The following WDR82 variants were observed in gnomAD, a reference collection of about 807,000 sequenced individuals.
WDR82 encodes the protein WD repeat domain 82, also known as WD repeat-containing protein 82.
In WDR82, 8 loss-of-function variants were observed where a neutral mutation model predicts 36.1. The ratio of observed to expected loss-of-function variants is 0.22; its 90% confidence interval spans 0.13 to 0.40. WDR82 has a LOEUF of 0.40. WDR82 is among the 10% of genes least tolerant of loss of function. The probability of loss-of-function intolerance (pLI) is 1.00; values close to 1 mark genes in which losing one functional copy is unlikely to be tolerated. For missense variants in WDR82, 185 were observed against 400.5 expected (o/e 0.46, Z 4.59); for synonymous variants, 129 against 137.8 (o/e 0.94, Z 0.45).
Position 52,261,802 on chromosome 3 carries a change from G to T in WDR82, c.327-323C>A, listed in dbSNP as rs575472180. Among the ~76,000 whole-genome samples the T allele has an allele frequency of 1.3e-5, 2 of 152,250 alleles. 1 individual carries two copies. The highest frequency in any genetic ancestry group is 4.1e-4 in the South Asian group (2 of 4,824). ...TGTTGGTGAGGATGCAGAGAAATTG[G>T]AACCCTCATACATTGCTAATGGAAA... On this transcript the variant is annotated intron_variant, in intron 3 of 8. Coordinates refer to ENST00000296490, the MANE Select transcript of WDR82 (RefSeq NM_025222.4).
intron 1 of WDR82, among the ~76,000 whole-genome samples, chr3:52,277,089 TAATA>T (rs1336538317): frequency 4.1e-5 from 6 of 146,014 alleles, no homozygotes; most frequent in African/African-American, 1.5e-4. Context: ...ATAATAATAA[TAATA>T]ATAATAATAT....
intron 1 of WDR82, among the ~76,000 whole-genome samples, chr3:52,276,062 T>G (rs1018943596): frequency 5.3e-5 from 8 of 152,188 alleles, no homozygotes; most frequent in African/African-American, 1.9e-4. Flanking sequence ...ACTGTAACTT[T>G]GTTAGTTTCT....
At chr3:52,270,430 T>C (rs1700143502) in intron 2 of WDR82, among the ~76,000 whole-genome samples, 1 of 151,868 alleles carries the variant, frequency 6.6e-6, no homozygotes, top group Non-Finnish European at 1.5e-5. Flanking sequence ...AAAAGCGTTC[T>C]TTTAAGTGTC....
intron 1 of WDR82, among the ~76,000 whole-genome samples, chr3:52,272,336 G>A (rs965383134): frequency 1.3e-5 from 2 of 152,166 alleles, no homozygotes; most frequent in Middle Eastern, 3.4e-3. Context: ...CTGAGGTCAG[G>A]AGTTTGAGAC....
chr3:52,271,327 G>C (rs182845935), intron 1 of WDR82, among the ~76,000 whole-genome samples: 393 of 152,288 alleles, frequency 2.6e-3, no homozygotes, highest in Middle Eastern at 0.014. Flanking sequence ...CAGGTTTGTA[G>C]CCTAGGAGCA....
In WDR82 at chr3:52,278,323, G is replaced by A. The variant is rs940133876; in HGVS notation, c.39C>T (p.Val13=). The change falls in exon 1 of 9, where the codon GTC becomes GTT. Residue 13 remains valine, a synonymous_variant. Coordinates refer to ENST00000296490, the MANE Select transcript of WDR82 (RefSeq NM_025222.4). The part of the protein sequence containing the change: ...LTDSVLRSFR[V]AKVFRENSDK... ...CCGAGTTTTCGCGGAACACCTTAGCGACGCGGAAGCTCCGCAACACGCTGT... is the reference window on the plus strand; with the variant it reads ...CCGAGTTTTCGCGGAACACCTTAGCAACGCGGAAGCTCCGCAACACGCTGT... The A allele has an allele frequency of 8.1e-6, 13 of 1,600,890 alleles. No homozygotes were observed. The highest frequency in any genetic ancestry group is 1.1e-5 in the Non-Finnish European group (13 of 1,175,366).
chr3:52,260,551 T>C (rs893079308), intron 4 of WDR82, 50 bp from the exon 5 acceptor site: 1 of 1,300,082 alleles, frequency 7.7e-7, no homozygotes, highest in Non-Finnish European at 1.1e-6. Flanking sequence ...GCCACAACCA[T>C]ACGTGGAATA....
rs752877999 is a variant in WDR82 at position 52,255,330 on chromosome 3, C to G, written c.*2160G>C. 1.3e-5 allele frequency: 2 copies of G among 152,002 alleles called. No individual in the cohort carries two copies. The highest frequency in any genetic ancestry group is 2.9e-5 in the Non-Finnish European group (2 of 67,938). The allele number at this position is 152,002 out of a possible 1,614,324, so 9.4% of individuals were successfully genotyped here. ...ATCATTTTCCTGCTGCTAAGTAATGCTTGGTGGCTGCTCTGGTTGCAGATA... is the reference window on the plus strand; with the variant it reads ...ATCATTTTCCTGCTGCTAAGTAATGGTTGGTGGCTGCTCTGGTTGCAGATA... On this transcript the variant is annotated 3_prime_UTR_variant, in exon 9 of 9. Transcript: ENST00000296490.
chr3:52,259,242 T>A lies in WDR82; in HGVS notation c.724A>T (p.Thr242Ser). 6.2e-7 allele frequency: 1 copy of A among 1,614,228 alleles called. No homozygotes were observed. Among genetic ancestry groups the A allele is most frequent in the South Asian group, 1.1e-5 (1 of 91,084 alleles). Residue 242 changes from threonine (T) to serine (S), a missense_variant, in exon 7 of 9, where the codon ACA becomes TCA. Thr to Ser is a moderately conservative substitution (Grantham distance 58). This residue lies in a region of WDR82 where 110 missense variants were observed against 212.6 expected (regional missense o/e 0.52). Transcript: ENST00000296490. The stretch of plus-strand genomic sequence containing the variant: ...TCTGGAGTAAATGAAGCCTCCAGTG[T>A]GACAGCTTTGCTGTTGGCATAACCC... The part of the protein sequence containing the change: ...FGGYANSKAV[T>S]LEASFTPDSQ...
intron 3 of WDR82, among the ~76,000 whole-genome samples, chr3:52,263,426 G>A (rs765916549): frequency 1.1e-4 from 17 of 152,302 alleles, no homozygotes; most frequent in Middle Eastern, 3.4e-3. Flanking sequence ...AGAGCCAGAA[G>A]GGACAGAACC....
intron 3 of WDR82, among the ~76,000 whole-genome samples, chr3:52,265,054 G>A (rs1386819509): frequency 4.0e-5 from 6 of 151,864 alleles, no homozygotes; most frequent in Non-Finnish European, 7.4e-5. Flanking sequence ...GGTGGCTCAC[G>A]TCTGTAATCC....
chr3:52,267,715 G>A (rs1250853506), intron 2 of WDR82: 1 of 152,350 alleles, frequency 6.6e-6, no homozygotes, highest in Non-Finnish European at 1.5e-5. Context: ...AGAGATTTGT[G>A]CTTGTGGAAA....
intron 1 of WDR82, among the ~76,000 whole-genome samples, chr3:52,275,665 C>CACG (rs1396679515): frequency 6.6e-6 from 1 of 152,182 alleles, no homozygotes; most frequent in Non-Finnish European, 1.5e-5. Context: ...GCGGGTAGAT[C>CACG]ACGAGATCAG....
In WDR82 at chr3:52,256,534, A is replaced by C. The variant is rs1769; in HGVS notation, c.*956T>G. 1.3e-5 allele frequency: 2 copies of C among 153,662 alleles called. No homozygotes were observed. Among genetic ancestry groups the C allele is most frequent in the African/African-American group, 4.8e-5 (2 of 41,340 alleles). The allele number at this position is 153,662 out of a possible 1,614,324, so 9.5% of individuals were successfully genotyped here. A position where few individuals can be genotyped will look rare whatever the true frequency, so the allele number is the denominator to read the frequency against. On this transcript the variant is annotated 3_prime_UTR_variant, in exon 9 of 9. Transcript: ENST00000296490. ...TGGGGAAAGGGGTGGTATCATCTGA[A>C]GACTATGTACACAATTTGTGGTGGG...
At chr3:52,275,782 G>A (rs747402321) in intron 1 of WDR82, among the ~76,000 whole-genome samples, 1 of 152,210 alleles carries the variant, frequency 6.6e-6, no homozygotes, top group Non-Finnish European at 1.5e-5. Flanking sequence ...TACTCAGGAG[G>A]CTGAGGCAGG....
At chr3:52,259,625 G>A (rs2107330787) in intron 6 of WDR82, 92 bp downstream of exon 6, 4 of 1,443,768 alleles carry the variant, frequency 2.8e-6, no homozygotes, top group South Asian at 1.4e-5. Flanking sequence ...TAAGTCAAGA[G>A]TAACTGTTGG....
chr3:52,268,465 A>C, intron 2 of WDR82: 2 of 375,856 alleles, frequency 5.3e-6, no homozygotes, highest in South Asian at 3.8e-5. Flanking sequence ...CAAAGCTACA[A>C]GTGCCACACA....
intron 1 of WDR82, 122 bp from the exon 2 acceptor site, chr3:52,270,931 ACTGG>A: frequency 1.6e-6 from 1 of 636,134 alleles, no homozygotes; most frequent in Admixed American, 3.2e-5. Context: ...AAGTTCTAAC[ACTGG>A]AAAGAAACAA....
At chr3:52,266,563 G>C (rs771490613) in intron 3 of WDR82, among the ~76,000 whole-genome samples, 2 of 151,954 alleles carry the variant, frequency 1.3e-5, no homozygotes, top group African/African-American at 4.8e-5. Flanking sequence ...TCAGCCTCCC[G>C]AGTAGCTGGG....
Sources: gnomAD v4.1 joint callset for allele counts (sites outside exome capture counted in the v4.1 genomes callset) on GRCh38, gnomAD v4.1.1 for gene constraint, gnomAD v4.1.1 regional missense constraint, MANE v1.5 for transcripts, NCBI Gene and HGNC (gene_info 2026-07-23, HGNC 2026-07-21) for gene names.